Variants in DGKB observed in about 807,000 individuals in gnomAD.
DGKB encodes 90 kDa diacylglycerol kinase.
A neutral mutation model predicts 114.3 loss-of-function variants in DGKB; 67 were observed. The observed-to-expected ratio is 0.59, with a 90% confidence interval of 0.48 to 0.72. The LOEUF is 0.72. Ranked by LOEUF, DGKB falls within the 30% of genes least tolerant of loss-of-function variation. The probability of loss-of-function intolerance (pLI) is 0.00; values close to 1 mark genes in which losing one functional copy is unlikely to be tolerated. For missense variants in DGKB, 907 were observed against 975.2 expected, an observed-to-expected ratio of 0.93 and a Z score of 0.93; for synonymous variants, 398 against 323.1, an observed-to-expected ratio of 1.23 and a Z score of -2.49.
intron 20 of DGKB, among the ~76,000 whole-genome samples, chr7:14,480,351 G>C (rs1196333427): frequency 6.6e-6 from 1 of 152,084 alleles, no homozygotes; most frequent in Non-Finnish European, 1.5e-5. Flanking sequence ...TCCTTGTGTT[G>C]AATAGGTTCC....
chr7:14,471,662 G>C (rs1222855864), intron 21 of DGKB, among the ~76,000 whole-genome samples: 1 of 151,576 alleles, frequency 6.6e-6, no homozygotes, highest in South Asian at 2.1e-4. Context: ...AAACTAAAAG[G>C]TATTAATACC....
At chr7:14,872,112 G>T (rs1293559746) in intron 1 of DGKB, among the ~76,000 whole-genome samples, 1 of 152,060 alleles carries the variant, frequency 6.6e-6, no homozygotes, top group East Asian at 1.9e-4. Flanking sequence ...AAAGATGAAG[G>T]ATCAAGCATC....
Position 14,536,406 on chromosome 7 carries a change from T to C in DGKB, c.1770+37806A>G, listed in dbSNP as rs1792503618. On this transcript the variant is annotated intron_variant, in intron 20 of 25. Transcript: ENST00000402815. ...TCCCTAATTAACCTGGATGCAAAAATCATCAATAAAATATTTAGCAAATCA... is the reference window on the plus strand; with the variant it reads ...TCCCTAATTAACCTGGATGCAAAAACCATCAATAAAATATTTAGCAAATCA... 2.6e-5 allele frequency among the ~76,000 whole-genome samples: 4 copies of C among 152,096 alleles called. No homozygotes were observed. The South Asian group carries it at 8.3e-4, about 32-fold the overall frequency.
intron 6 of DGKB, among the ~76,000 whole-genome samples, chr7:14,717,684 G>A (rs1246244495): frequency 6.6e-6 from 1 of 152,024 alleles, no homozygotes; most frequent in African/African-American, 2.4e-5. Flanking sequence ...TGCTTCAGAA[G>A]TGTTAAAGTT....
At chr7:14,832,164 A>G (rs1846508500) in intron 2 of DGKB, among the ~76,000 whole-genome samples, 1 of 152,064 alleles carries the variant, frequency 6.6e-6, no homozygotes, top group Non-Finnish European at 1.5e-5. Flanking sequence ...CCGTTGAGAA[A>G]ATTAAAGTTT....
intron 23 of DGKB, among the ~76,000 whole-genome samples, chr7:14,197,111 T>G (rs577737380): frequency 1.3e-5 from 2 of 152,142 alleles, no homozygotes; most frequent in East Asian, 1.9e-4. Flanking sequence ...TTTCAAGGAG[T>G]TGCTTTGTGG....
chr7:14,573,926 C>A (rs913260140), intron 20 of DGKB, among the ~76,000 whole-genome samples: 2 of 151,994 alleles, frequency 1.3e-5, no homozygotes, highest in African/African-American at 4.8e-5. Context: ...TCATTCTAAG[C>A]TTCATTTTAG....
intron 23 of DGKB, among the ~76,000 whole-genome samples, chr7:14,325,123 G>A (rs1014600386): frequency 6.6e-6 from 1 of 152,126 alleles, no homozygotes; most frequent in African/African-American, 2.4e-5. Context: ...TAGTCAGCCT[G>A]TACTTTCCCT....
At chr7:14,589,038 C>T (rs1240701331) in intron 17 of DGKB, among the ~76,000 whole-genome samples, 3 of 151,870 alleles carry the variant, frequency 2.0e-5, no homozygotes, top group East Asian at 3.9e-4. Context: ...TAGTATTGCT[C>T]GATTTATTTA....
chr7:14,796,045 T>C (rs1841362587), intron 2 of DGKB, among the ~76,000 whole-genome samples: 1 of 152,150 alleles, frequency 6.6e-6, no homozygotes, highest in Non-Finnish European at 1.5e-5. Flanking sequence ...AAATTAATTC[T>C]GCTAAAATGG....
At chr7:14,747,992 C>T (rs1233449943) in intron 4 of DGKB, among the ~76,000 whole-genome samples, 1 of 152,072 alleles carries the variant, frequency 6.6e-6, no homozygotes, top group African/African-American at 2.4e-5. Context: ...CCATCTGGAT[C>T]CTTTGTTTTT....
chr7:14,258,897 G>C (rs1796322164), intron 23 of DGKB, among the ~76,000 whole-genome samples: 1 of 152,112 alleles, frequency 6.6e-6, no homozygotes, highest in East Asian at 1.9e-4. Flanking sequence ...TGCAGCTTTT[G>C]AATTATTATT....
chr7:14,891,594 C>T (rs902355859), intron 1 of DGKB, among the ~76,000 whole-genome samples: 5 of 151,230 alleles, frequency 3.3e-5, no homozygotes, highest in African/African-American at 9.7e-5. Flanking sequence ...TGAAGCTTTG[C>T]GTAAAAGCAA....
intron 23 of DGKB, among the ~76,000 whole-genome samples, chr7:14,235,208 A>G (rs1021885866): frequency 6.6e-6 from 1 of 152,066 alleles, no homozygotes; most frequent in African/African-American, 2.4e-5. Context: ...CACAGGTCAC[A>G]TCTGCGGAGC....
chr7:14,789,256 C>T (rs1840325374), intron 2 of DGKB, among the ~76,000 whole-genome samples: 1 of 152,120 alleles, frequency 6.6e-6, no homozygotes, highest in South Asian at 2.1e-4. Flanking sequence ...CAGACCAACA[C>T]TGTCACCACA....
chr7:14,537,578 T>A (rs766584720), intron 20 of DGKB, among the ~76,000 whole-genome samples: 1 of 151,774 alleles, frequency 6.6e-6, no homozygotes, highest in Non-Finnish European at 1.5e-5. Context: ...AAATTAGATA[T>A]CCCCCTCCAA....
intron 21 of DGKB, among the ~76,000 whole-genome samples, chr7:14,424,737 C>G (rs1827240306): frequency 1.3e-5 from 2 of 152,042 alleles, no homozygotes; most frequent in African/African-American, 4.8e-5. Flanking sequence ...CAAAACTCTC[C>G]CAATTTAACA....
intron 1 of DGKB, among the ~76,000 whole-genome samples, chr7:14,859,528 G>T (rs1051130830): frequency 6.6e-6 from 1 of 152,076 alleles, no homozygotes; most frequent in South Asian, 2.1e-4. Flanking sequence ...AGTGACAGAG[G>T]TAACTAGTGG....
intron 21 of DGKB, among the ~76,000 whole-genome samples, chr7:14,454,993 C>T (rs1052191718): frequency 1.3e-5 from 2 of 152,010 alleles, no homozygotes; most frequent in Non-Finnish European, 2.9e-5. Flanking sequence ...AGAATTCAGA[C>T]ACAGATAGAA....
Sources: allele counts gnomAD v4.1 joint callset (sites outside exome capture counted in the v4.1 genomes callset), GRCh38; gene constraint gnomAD v4.1.1; transcripts MANE v1.5; gene names NCBI Gene and HGNC (gene_info 2026-07-23, HGNC 2026-07-21).